ST6GAL1: variants seen among roughly 807,000 people sequenced by gnomAD.
ST6GAL1 encodes the protein ST6 beta-galactoside alpha-2,6-sialyltransferase 1.
In ST6GAL1, 20 loss-of-function variants were observed where a neutral mutation model predicts 38.0. The observed-to-expected ratio is 0.53, with a 90% CI of 0.37 to 0.77. The LOEUF (loss-of-function observed/expected upper bound fraction) is 0.77. Among genes scored for constraint, ST6GAL1 ranks in the 30% least tolerant of loss-of-function variants. The pLI is 0.00. For synonymous variants in ST6GAL1, 196 were observed against 188.2 expected (o/e 1.04, Z -0.34); for missense variants, 432 against 496.4 (o/e 0.87, Z 1.23).
chr3:187,040,343 G>A (rs566151362), intron 3 of ST6GAL1, among the ~76,000 whole-genome samples: 7 of 152,302 alleles, frequency 4.6e-5, no homozygotes, highest in African/African-American at 7.2e-5. Flanking sequence ...TCTGACAGAC[G>A]AAGTTGCCTC....
intron 2 of ST6GAL1, among the ~76,000 whole-genome samples, chr3:187,034,733 T>G (rs1717869110): frequency 6.6e-6 from 1 of 152,060 alleles, no homozygotes; most frequent in South Asian, 2.1e-4. Context: ...TTCAAGAAAC[T>G]AGGCATCAAA....
At chr3:187,073,142 C>A (rs767084286) in intron 6 of ST6GAL1, among the ~76,000 whole-genome samples, 195 bp downstream of exon 6, 1 of 152,190 alleles carries the variant, frequency 6.6e-6, no homozygotes, top group Non-Finnish European at 1.5e-5. Flanking sequence ...ACTCTCTTTG[C>A]CGTGCCAGCA....
chr3:186,931,027 T>G (rs2108510524), intron 1 of ST6GAL1, 193 bp downstream of exon 1: 1 of 152,700 alleles, frequency 6.5e-6, no homozygotes, highest in South Asian at 2.1e-4. Flanking sequence ...TGTGTGCATT[T>G]TTGTCAGGGC....
At chr3:186,941,477 G>A (rs935639001) in intron 1 of ST6GAL1, among the ~76,000 whole-genome samples, 3 of 152,114 alleles carry the variant, frequency 2.0e-5, no homozygotes, top group Non-Finnish European at 2.9e-5. Context: ...TGGAAACTAG[G>A]ACTTTCTAGT....
intron 2 of ST6GAL1, among the ~76,000 whole-genome samples, chr3:187,028,718 A>G (rs1410653787): frequency 6.6e-6 from 1 of 152,224 alleles, no homozygotes; most frequent in Non-Finnish European, 1.5e-5. Flanking sequence ...ATATTATTAT[A>G]TCTGCGAAGC....
chr3:187,009,500 T>C (rs1223020916), intron 2 of ST6GAL1, among the ~76,000 whole-genome samples: 2 of 152,110 alleles, frequency 1.3e-5, no homozygotes. Flanking sequence ...AGTGTGGTGG[T>C]GTGTGCCTGT....
chr3:186,979,974 C>T (rs1017194292), intron 2 of ST6GAL1, among the ~76,000 whole-genome samples: 8 of 152,190 alleles, frequency 5.3e-5, no homozygotes, highest in Non-Finnish European at 1.2e-4. Context: ...TGACCATTAT[C>T]TCATTTATTC....
intron 2 of ST6GAL1, among the ~76,000 whole-genome samples, chr3:186,964,780 G>A (rs138803418): frequency 5.1e-4 from 77 of 152,250 alleles, no homozygotes; most frequent in African/African-American, 1.8e-3. Flanking sequence ...TTTTGTTTTG[G>A]AAATTCCGAT....
chr3:187,062,574 T>TCACACACACACACACACA (rs57175575), intron 5 of ST6GAL1, among the ~76,000 whole-genome samples: 5,445 of 143,762 alleles, frequency 0.038, 135 homozygotes, highest in Non-Finnish European at 0.057. Context: ...AATAAGCCAG[T>TCACACACACACACACACA]CACACACACA....
chr3:187,006,863 T>C (rs1417266824), intron 2 of ST6GAL1, among the ~76,000 whole-genome samples: 1 of 152,212 alleles, frequency 6.6e-6, no homozygotes, highest in Non-Finnish European at 1.5e-5. Flanking sequence ...GCCAAATCCC[T>C]TTCTTCCCTA....
intron 2 of ST6GAL1, among the ~76,000 whole-genome samples, chr3:186,973,539 C>G (rs1300887591): frequency 6.6e-6 from 1 of 152,202 alleles, no homozygotes; most frequent in Non-Finnish European, 1.5e-5. Flanking sequence ...TCACCCTTGC[C>G]CATCAGGGGT....
In ST6GAL1 at chr3:187,072,833, CTCTT is replaced by C; in HGVS notation, c.706-11_706-8del. On this transcript the variant is annotated splice_polypyrimidine_tract_variant and intron_variant, in intron 5 of 7. Coordinates refer to ENST00000169298, the MANE Select transcript of ST6GAL1 (RefSeq NM_173216.2). ...TATGAATGTTCAAGCGACAGCTTAT[CTCTT>C]TCTTCCTGCAGTTGGTTACCACAGA... 1 of 1,607,488 alleles carries C rather than the reference CTCTT, an allele frequency of 6.2e-7. No homozygotes were observed. Among genetic ancestry groups the C allele is most frequent in the African/African-American group, 1.3e-5 (1 of 74,890 alleles).
At chr3:186,985,776 A>AC (rs1715897034) in intron 2 of ST6GAL1, among the ~76,000 whole-genome samples, 1 of 148,926 alleles carries the variant, frequency 6.7e-6, no homozygotes, top group Admixed American at 6.7e-5. Context: ...CCCTGTCTCA[A>AC]AAAAAAAAAA....
intron 4 of ST6GAL1, among the ~76,000 whole-genome samples, chr3:187,047,984 C>T (rs560413650): frequency 6.3e-4 from 95 of 151,186 alleles, no homozygotes; most frequent in African/African-American, 2.2e-3. Flanking sequence ...GCTCTGTTGC[C>T]CAGGCTGGAG....
intron 2 of ST6GAL1, among the ~76,000 whole-genome samples, chr3:187,004,206 C>G (rs1388878086): frequency 1.3e-5 from 2 of 152,236 alleles, no homozygotes; most frequent in African/African-American, 4.8e-5. Flanking sequence ...TGAGGCCTCC[C>G]CGGCAAGTGA....
At chr3:186,972,639 G>A (rs934197431) in intron 2 of ST6GAL1, among the ~76,000 whole-genome samples, 2 of 152,116 alleles carry the variant, frequency 1.3e-5, no homozygotes, top group African/African-American at 4.8e-5. Context: ...CGGCTCATGT[G>A]TTCACAGTGC....
chr3:187,044,133 T>G (rs144764593), intron 4 of ST6GAL1, among the ~76,000 whole-genome samples: 100 of 152,352 alleles, frequency 6.6e-4, no homozygotes, highest in African/African-American at 2.2e-3. Context: ...GGTCACAACA[T>G]ATTAATTTGC....
At chr3:187,070,574 G>A (rs1416694198) in intron 5 of ST6GAL1, among the ~76,000 whole-genome samples, 1 of 151,508 alleles carries the variant, frequency 6.6e-6, no homozygotes, top group African/African-American at 2.4e-5. Flanking sequence ...ACAGGCACCC[G>A]CCACCATGCC....
chr3:186,992,265 A>G (rs1428106357), intron 2 of ST6GAL1, among the ~76,000 whole-genome samples: 1 of 151,928 alleles, frequency 6.6e-6, no homozygotes, highest in Non-Finnish European at 1.5e-5. Flanking sequence ...TTCTCACAAG[A>G]TCTGATGGTA....
Sources: allele counts gnomAD v4.1 joint callset (sites outside exome capture counted in the v4.1 genomes callset), GRCh38; gene constraint gnomAD v4.1.1; transcripts MANE v1.5; gene names NCBI Gene and HGNC (gene_info 2026-07-23, HGNC 2026-07-21).